Variants in LIPA observed in about 807,000 individuals in gnomAD.
LIPA encodes the protein lysosomal acid lipase/cholesteryl ester hydrolase.
A neutral mutation model predicts 40.6 loss-of-function variants in LIPA; 26 were observed. The observed-to-expected ratio is 0.64, with a 90% confidence interval of 0.47 to 0.89. The LOEUF (loss-of-function observed/expected upper bound fraction) is 0.89, where lower values mean the gene tolerates loss of function less well. LIPA is among the 40% of genes least tolerant of loss of function. The probability of loss-of-function intolerance (pLI) is 0.00; values close to 1 mark genes in which losing one functional copy is unlikely to be tolerated. For missense variants in LIPA, 455 were observed against 479.6 expected (o/e 0.95, Z 0.48); for synonymous variants, 188 against 168.4 (o/e 1.12, Z -0.90).
intron 1 of LIPA, among the ~76,000 whole-genome samples, chr10:89,274,573 T>A (rs932310320): frequency 6.6e-6 from 1 of 152,050 alleles, no homozygotes; most frequent in African/African-American, 2.4e-5. Flanking sequence ...ATATAAAGGA[T>A]TTTTTTGGAA....
At chr10:89,216,499 G>A (rs1842629151) in intron 8 of LIPA, among the ~76,000 whole-genome samples, 1 of 151,332 alleles carries the variant, frequency 6.6e-6, no homozygotes, top group Non-Finnish European at 1.5e-5. Context: ...TCCATATCCA[G>A]TTTTGTATCT....
At chr10:89,412,197 G>C (rs1387466788) in intron 2 of LIPA, among the ~76,000 whole-genome samples, 2 of 152,164 alleles carry the variant, frequency 1.3e-5, no homozygotes, top group Non-Finnish European at 2.9e-5. Context: ...GGGGTGTCCT[G>C]TTTAGAGGGG....
At chr10:89,345,458 G>A (rs1843911895), upstream of LIPA, among the ~76,000 whole-genome samples, 1 of 152,020 alleles carries the variant, frequency 6.6e-6, no homozygotes, top group South Asian at 2.1e-4. Flanking sequence ...GAACCCAAGA[G>A]ACAGAGGTTG....
intron 1 of LIPA, among the ~76,000 whole-genome samples, chr10:89,281,665 A>G (rs181872717): frequency 1.4e-4 from 21 of 152,276 alleles, no homozygotes; most frequent in Admixed American, 1.3e-3. Flanking sequence ...CCAAACAAAC[A>G]CTTCGCTACT....
intron 2 of LIPA, among the ~76,000 whole-genome samples, chr10:89,364,564 T>C (rs1190336581): frequency 2.0e-5 from 3 of 151,884 alleles, no homozygotes; most frequent in Non-Finnish European, 2.9e-5. Flanking sequence ...TAAATTATTA[T>C]AGCTTTATAA....
chr10:89,413,643 T>C (rs1463682017), intron 1 of LIPA, among the ~76,000 whole-genome samples: 3 of 151,836 alleles, frequency 2.0e-5, no homozygotes, highest in African/African-American at 7.3e-5. Context: ...GGTGCACGCA[T>C]ATAGTCCCAG....
intron 2 of LIPA, among the ~76,000 whole-genome samples, chr10:89,412,408 C>A (rs1331735390): frequency 6.6e-6 from 1 of 152,098 alleles, no homozygotes; most frequent in African/African-American, 2.4e-5. Flanking sequence ...TAAAATGGAC[C>A]AATCAGCACT....
intron 2 of LIPA, among the ~76,000 whole-genome samples, chr10:89,352,404 C>T (rs530262815): frequency 1.3e-5 from 2 of 152,162 alleles, no homozygotes; most frequent in South Asian, 2.1e-4. Context: ...TGGAAAGGCA[C>T]GAGGCTCAAT....
At chr10:89,386,958 TGTGTGTGTGTGTGTGAGAGAGAGAGAGA>T (rs1229846152) in intron 2 of LIPA, among the ~76,000 whole-genome samples, 2 of 118,870 alleles carry the variant, frequency 1.7e-5, no homozygotes, top group Non-Finnish European at 3.6e-5. Flanking sequence ...TGTGTGTGTG[TGTGTGTGTGTGTGTGAGAGAGAGAGAGA>T]GTGTGTGTGT....
At chr10:89,381,916 G>C (rs941978169) in intron 2 of LIPA, among the ~76,000 whole-genome samples, 1 of 152,028 alleles carries the variant, frequency 6.6e-6, no homozygotes, top group South Asian at 2.1e-4. Context: ...CTCCAGAGTA[G>C]CTGGGACAAC....
At chr10:89,335,637 A>G (rs1247923141) in intron 1 of LIPA, 1 of 151,942 alleles carries the variant, frequency 6.6e-6, no homozygotes, top group Non-Finnish European at 1.5e-5. Flanking sequence ...AATACATCCA[A>G]CATCACCTGT....
chr10:89,384,831 A>G (rs1188389878), intron 2 of LIPA: 2 of 1,181,302 alleles, frequency 1.7e-6, no homozygotes, highest in East Asian at 2.4e-5. Context: ...TTGGAAATTT[A>G]CCTTATTTTG....
chr10:89,252,180 GGGCTCC>G (rs1554870255), upstream of LIPA: 3 of 152,184 alleles, frequency 2.0e-5, no homozygotes, highest in Non-Finnish European at 4.4e-5. Flanking sequence ...AGTGAATCAT[GGGCTCC>G]ATTTAAAGCG....
intron 1 of LIPA, among the ~76,000 whole-genome samples, chr10:89,297,380 T>C (rs78996340): frequency 0.021 from 3,224 of 152,000 alleles, 104 homozygotes; most frequent in African/African-American, 0.072. Context: ...AGCGGCACCA[T>C]TGTGAGACTA....
At chr10:89,351,697 G>A (rs1843959474) in intron 2 of LIPA, among the ~76,000 whole-genome samples, 1 of 152,222 alleles carries the variant, frequency 6.6e-6, no homozygotes, top group Admixed American at 6.5e-5. Context: ...ATACTTTAGA[G>A]TCAGAGAGCC....
chr10:89,376,853 T>C (rs572206354), intron 2 of LIPA, among the ~76,000 whole-genome samples: 1 of 152,260 alleles, frequency 6.6e-6, no homozygotes, highest in Non-Finnish European at 1.5e-5. Flanking sequence ...CCTTACCACA[T>C]GGGAGCCTGG....
At chr10:89,292,828 T>C (rs77085095) in intron 1 of LIPA, among the ~76,000 whole-genome samples, 4,321 of 151,864 alleles carry the variant, frequency 0.028, 245 homozygotes, top group African/African-American at 0.098. Flanking sequence ...TTTTTTTTAA[T>C]TGTAGAGATA....
chr10:89,379,576 G>A (rs1844145832), intron 2 of LIPA, among the ~76,000 whole-genome samples: 1 of 152,186 alleles, frequency 6.6e-6, no homozygotes, highest in Non-Finnish European at 1.5e-5. Context: ...TGCAGTCAGT[G>A]GGAGAGGAAG....
intron 2 of LIPA, among the ~76,000 whole-genome samples, chr10:89,372,584 C>A (rs546696257): frequency 6.6e-6 from 1 of 152,160 alleles, no homozygotes; most frequent in Non-Finnish European, 1.5e-5. Flanking sequence ...CAACAGAGTA[C>A]CTGGCCTGTA....
Sources: allele counts gnomAD v4.1 joint callset (sites outside exome capture counted in the v4.1 genomes callset), GRCh38; gene constraint gnomAD v4.1.1; transcripts MANE v1.5; gene names NCBI Gene and HGNC (gene_info 2026-07-23, HGNC 2026-07-21).